Variants in CCL26 observed in about 807,000 individuals in gnomAD.
CCL26 encodes C-C motif chemokine 26.
In CCL26, 10 loss-of-function variants were observed where a neutral mutation model predicts 10.7. The ratio of observed to expected loss-of-function variants is 0.93; its 90% CI spans 0.57 to 1.58. The LOEUF (loss-of-function observed/expected upper bound fraction) is 1.58. CCL26 is among the 40% of genes most tolerant of loss of function. CCL26 has a pLI of 0.00. For missense variants in CCL26, 116 were observed against 111.0 expected (o/e 1.05, Z -0.20); for synonymous variants, 43 against 41.4 (o/e 1.04, Z -0.15).
chr7:75,774,755 T>A (rs1242252803), upstream of CCL26, among the ~76,000 whole-genome samples: 1 of 151,842 alleles, frequency 6.6e-6, no homozygotes, highest in African/African-American at 2.4e-5. Flanking sequence ...CTATTTTTTT[T>A]AATTAAATAA....
upstream of CCL26, among the ~76,000 whole-genome samples, chr7:75,790,419 T>TA (rs60349195): frequency 0.4 from 59,485 of 148,160 alleles, 12,252 homozygotes; most frequent in East Asian, 0.66. Flanking sequence ...TCTGCTAACT[T>TA]AAAAAAAAAA....
upstream of CCL26, among the ~76,000 whole-genome samples, chr7:75,776,736 C>T (rs1017898807): frequency 6.6e-6 from 1 of 152,102 alleles, no homozygotes; most frequent in Admixed American, 6.6e-5. Flanking sequence ...CACACTTAAA[C>T]CGCAGTGTGC....
chr7:75,775,445 G>A (rs77407517), upstream of CCL26, among the ~76,000 whole-genome samples: 6,807 of 152,204 alleles, frequency 0.045, 352 homozygotes, highest in African/African-American at 0.13. Context: ...TGATTCCACG[G>A]GAGCCCCAGG....
intron 1 of CCL26, among the ~76,000 whole-genome samples, chr7:75,789,129 G>GC (rs1343327798): frequency 6.1e-5 from 9 of 146,556 alleles, no homozygotes; most frequent in Non-Finnish European, 1.1e-4. Context: ...GATGTGGCGG[G>GC]CGGGGGGGTC....
intron 1 of CCL26, among the ~76,000 whole-genome samples, chr7:75,787,682 C>T (rs1254688368): frequency 4.1e-5 from 4 of 98,434 alleles, no homozygotes; most frequent in Non-Finnish European, 8.1e-5. Context: ...AAAGACACAC[C>T]CCCCAAGCTC....
At chr7:75,788,682 C>T (rs1383726709) in intron 1 of CCL26, among the ~76,000 whole-genome samples, 7 of 150,050 alleles carry the variant, frequency 4.7e-5, no homozygotes, top group South Asian at 4.2e-4. Context: ...GCCAAGATCA[C>T]ACCACTGCAC....
At chr7:75,791,083 A>G (rs1166220050), upstream of CCL26, among the ~76,000 whole-genome samples, 5 of 146,744 alleles carry the variant, frequency 3.4e-5, no homozygotes, top group Admixed American at 2.8e-4. Flanking sequence ...CTGGAGTGCA[A>G]TGGCACGATC....
At chr7:75,772,513 C>T (rs1295573755), upstream of CCL26, among the ~76,000 whole-genome samples, 6 of 151,852 alleles carry the variant, frequency 4.0e-5, no homozygotes, top group Non-Finnish European at 7.4e-5. Flanking sequence ...AAAAATTGGC[C>T]GGGCATGGTG....
chr7:75,790,178 C>CCTTCCTTCCTTTCTTTCTTTCTTT (rs60788546), upstream of CCL26, among the ~76,000 whole-genome samples: 96 of 44,316 alleles, frequency 2.2e-3, 3 homozygotes, highest in East Asian at 0.021. Context: ...TTCCTTCCTT[C>CCTTCCTTCCTTTCTTTCTTTCTTT]CTTTCTTTCT....
At chr7:75,780,368 G>A (rs189713450) in intron 1 of CCL26, among the ~76,000 whole-genome samples, 2 of 151,974 alleles carry the variant, frequency 1.3e-5, no homozygotes, top group Non-Finnish European at 2.9e-5. Context: ...CTTCACTATG[G>A]ACAACCTTCC....
chr7:75,769,588 C>A lies in CCL26; in HGVS notation c.*105G>T. 1.5e-6 allele frequency: 1 copy of A among 660,748 alleles called. No individual in the cohort carries two copies. The highest frequency in any genetic ancestry group is 2.7e-6 in the Non-Finnish European group (1 of 364,544). The allele number at this position is 660,748 out of a possible 1,614,324, so 40.9% of individuals were successfully genotyped here. A position where few individuals can be genotyped will look rare whatever the true frequency, so the allele number is the denominator to read the frequency against. ...ACTCTGGGAGGAAACACCCTCTCCTCCCCAGCGGGTCCATGTAGCCTTCAG... is the reference window on the plus strand; with the variant it reads ...ACTCTGGGAGGAAACACCCTCTCCTACCCAGCGGGTCCATGTAGCCTTCAG... On this transcript the variant is annotated 3_prime_UTR_variant, in exon 3 of 3. Coordinates refer to ENST00000005180, the MANE Select transcript of CCL26 (RefSeq NM_001371938.1).
chr7:75,787,780 C>A (rs1227612033), intron 1 of CCL26, among the ~76,000 whole-genome samples: 2 of 151,588 alleles, frequency 1.3e-5, no homozygotes, highest in East Asian at 1.9e-4. Flanking sequence ...TTACACTAAA[C>A]CCCCTTGGAC....
chr7:75,769,772 C>A lies in CCL26; in HGVS notation c.206G>T (p.Gly69Val). Reference protein sequence around the residue: ...QRAVIFTTKRGKKVCTHPRKK... With the variant: ...QRAVIFTTKRVKKVCTHPRKK... The stretch of plus-strand genomic sequence containing the variant: ...CCTTGGATGGGTACAGACTTTCTTG[C>A]CTCTTTTGGTAGTGAATCTGTGAAA... Residue 69 changes from glycine (G) to valine (V), a missense_variant, in exon 3 of 3, where the codon GGC becomes GTC. Transcript: ENST00000005180. The A allele has an allele frequency of 6.2e-7, 1 of 1,607,296 alleles. No homozygotes were observed. Among genetic ancestry groups the A allele is most frequent in the African/African-American group, 1.3e-5 (1 of 74,902 alleles).
At chr7:75,786,850 C>T (rs1164879333) in intron 1 of CCL26, among the ~76,000 whole-genome samples, 1 of 152,196 alleles carries the variant, frequency 6.6e-6, no homozygotes, top group Admixed American at 6.6e-5. Context: ...CATTTCATAA[C>T]CTCTTCCATG....
chr7:75,779,050 G>T (rs944465643), intron 1 of CCL26, among the ~76,000 whole-genome samples: 1 of 152,124 alleles, frequency 6.6e-6, no homozygotes, highest in African/African-American at 2.4e-5. Context: ...ACATTACCTT[G>T]TGAAATTCCT....
At chr7:75,783,680 G>A (rs376713575) in intron 1 of CCL26, among the ~76,000 whole-genome samples, 12 of 151,912 alleles carry the variant, frequency 7.9e-5, no homozygotes, top group East Asian at 1.9e-4. Context: ...CCAGCTACTC[G>A]GGAGGCTGAG....
intron 1 of CCL26, among the ~76,000 whole-genome samples, chr7:75,778,851 G>T (rs971919274): frequency 6.6e-6 from 1 of 152,038 alleles, no homozygotes; most frequent in Admixed American, 6.6e-5. Flanking sequence ...GCCAAGGTGG[G>T]GGGGGCAGAT....
chr7:75,785,532 C>T (rs1554529898), intron 1 of CCL26, among the ~76,000 whole-genome samples: 3 of 152,180 alleles, frequency 2.0e-5, no homozygotes, highest in Admixed American at 1.3e-4. Flanking sequence ...CATAATTCTT[C>T]ATAAAAACAC....
rs533776305 is a variant in CCL26 at position 75,783,704 on chromosome 7, G to A, written c.-79+6013C>T. Among the ~76,000 whole-genome samples, 202 of 151,060 alleles carry A rather than the reference G, an allele frequency of 1.3e-3. 1 individual carries two copies. Among genetic ancestry groups the A allele is most frequent in the Non-Finnish European group, 2.3e-3 (153 of 67,828 alleles). Reference sequence around the variant, plus strand: ...CGGGAGGCTGAGGCAGGAGAATGGCGTGAACCCGGTAGGTGGAGCTTGCAG... The same window carrying A: ...CGGGAGGCTGAGGCAGGAGAATGGCATGAACCCGGTAGGTGGAGCTTGCAG... On this transcript the variant is annotated intron_variant, in intron 1 of 3. Transcript: ENST00000394905.
Sources: gnomAD v4.1 joint callset for allele counts (sites outside exome capture counted in the v4.1 genomes callset) on GRCh38, gnomAD v4.1.1 for gene constraint, MANE v1.5 for transcripts, NCBI Gene and HGNC (gene_info 2026-07-23, HGNC 2026-07-21) for gene names.